Variants in ASIP observed in about 807,000 individuals in gnomAD.
ASIP encodes agouti signaling protein, also known as agouti-signaling protein.
Under a neutral mutation model 10.3 loss-of-function variants are expected in ASIP, and 11 were observed. The observed-to-expected ratio is 1.07, with a 90% CI of 0.68 to 1.78. The LOEUF (loss-of-function observed/expected upper bound fraction) is 1.78. Ranked by LOEUF, ASIP falls within the 40% of genes most tolerant of loss-of-function variation. The pLI is 0.00. For synonymous variants in ASIP, 70 were observed against 70.8 expected (o/e 0.99, Z 0.06); for missense variants, 180 against 169.2 (o/e 1.06, Z -0.35).
intron 1 of ASIP, among the ~76,000 whole-genome samples, chr20:34,251,475 C>T (rs2035476123): frequency 1.3e-5 from 2 of 151,906 alleles, no homozygotes; most frequent in South Asian, 2.1e-4. Context: ...GGGGTTTTAC[C>T]GTGTTAGCCA....
At chr20:34,263,300 C>T (rs1158002658) in intron 3 of ASIP, among the ~76,000 whole-genome samples, 1 of 152,202 alleles carries the variant, frequency 6.6e-6, no homozygotes, top group Non-Finnish European at 1.5e-5. Flanking sequence ...TGCGGTGGCT[C>T]ACGCCTATAA....
intron 1 of ASIP, among the ~76,000 whole-genome samples, chr20:34,259,354 A>G (rs1208913143): frequency 2.0e-5 from 3 of 151,938 alleles, no homozygotes; most frequent in Non-Finnish European, 4.4e-5. Flanking sequence ...CTTTACTAAA[A>G]ATACAAAAAT....
chr20:34,223,085 G>A (rs1323217850), intron 1 of ASIP, among the ~76,000 whole-genome samples: 12 of 151,976 alleles, frequency 7.9e-5, no homozygotes, highest in Admixed American at 3.3e-4. Context: ...CTGCCTGGCC[G>A]CCCATCATCT....
intron 1 of ASIP, among the ~76,000 whole-genome samples, chr20:34,227,571 C>T (rs930900834): frequency 6.8e-6 from 1 of 147,568 alleles, no homozygotes; most frequent in African/African-American, 2.6e-5. Context: ...GTGGAGGTTG[C>T]AGTGAGCCGA....
chr20:34,190,727 C>T (rs1372707236), upstream of ASIP, among the ~76,000 whole-genome samples: 2 of 152,202 alleles, frequency 1.3e-5, no homozygotes, highest in African/African-American at 2.4e-5. Flanking sequence ...ACATCCCATG[C>T]AGTCTTTTCT....
In ASIP at chr20:34,234,241, T is replaced by C. The variant is rs188341950; in HGVS notation, c.-10-26124T>C. On this transcript the variant is annotated intron_variant, in intron 1 of 3. Transcript: ENST00000568305. ...GGTGGCTACAATTTGTTTCCAGGGC[T>C]CATGACCCAAAGTGAAGTGCCTTTA... Among the ~76,000 whole-genome samples the C allele has an allele frequency of 2.2e-3, 328 of 152,304 alleles. 3 individuals are homozygous for C. The highest frequency in any genetic ancestry group is 7.7e-3 in the African/African-American group (320 of 41,574).
At chr20:34,207,165 G>GTTA (rs772938345) in intron 1 of ASIP, among the ~76,000 whole-genome samples, 6 of 152,042 alleles carry the variant, frequency 3.9e-5, no homozygotes, top group Non-Finnish European at 5.9e-5. Flanking sequence ...ACCAGCATTT[G>GTTA]TTATTTTTTT....
At chr20:34,253,575 G>A (rs1047291433) in intron 1 of ASIP, among the ~76,000 whole-genome samples, 1 of 151,726 alleles carries the variant, frequency 6.6e-6, no homozygotes, top group Non-Finnish European at 1.5e-5. Context: ...CGGTTCAAGC[G>A]ATTCTTCTGC....
chr20:34,231,892 T>C (rs2035124203), intron 1 of ASIP, among the ~76,000 whole-genome samples: 1 of 152,232 alleles, frequency 6.6e-6, no homozygotes, highest in Non-Finnish European at 1.5e-5. Context: ...CTCATATATG[T>C]CAGGGGTAGG....
chr20:34,249,084 G>A (rs1415888149), intron 1 of ASIP, among the ~76,000 whole-genome samples: 1 of 150,454 alleles, frequency 6.6e-6, no homozygotes, highest in Non-Finnish European at 1.5e-5. Context: ...AGCTGAGATG[G>A]CACCACTGCA....
chr20:34,234,227 T>C (rs759461924), intron 1 of ASIP, among the ~76,000 whole-genome samples: 1 of 152,188 alleles, frequency 6.6e-6, no homozygotes, highest in Non-Finnish European at 1.5e-5. Context: ...GTGGCTACAA[T>C]TTGTTTCCAG....
chr20:34,249,685 C>T (rs1463670024), intron 1 of ASIP, among the ~76,000 whole-genome samples: 3 of 152,152 alleles, frequency 2.0e-5, no homozygotes, highest in Non-Finnish European at 4.4e-5. Context: ...TCAACTCTAA[C>T]ACTTCCCCCT....
chr20:34,238,769 C>T (rs1200823941), upstream of ASIP, among the ~76,000 whole-genome samples: 1 of 152,014 alleles, frequency 6.6e-6, no homozygotes, highest in Non-Finnish European at 1.5e-5. Flanking sequence ...AATGTGGTAA[C>T]TCTAGAAACC....
chr20:34,221,163 G>C (rs2035044722), intron 1 of ASIP, among the ~76,000 whole-genome samples: 1 of 151,786 alleles, frequency 6.6e-6, no homozygotes, highest in Admixed American at 6.6e-5. Flanking sequence ...TGGATCACGA[G>C]GTCAGGAGAT....
At chr20:34,242,380 A>G (rs1413600698) in intron 1 of ASIP, among the ~76,000 whole-genome samples, 2 of 152,040 alleles carry the variant, frequency 1.3e-5, no homozygotes, top group African/African-American at 2.4e-5. Context: ...CAACAGGCAC[A>G]CACCACCACG....
intron 1 of ASIP, chr20:34,215,458 A>T: frequency 1.3e-6 from 2 of 1,529,714 alleles, no homozygotes; most frequent in Non-Finnish European, 1.8e-6. Flanking sequence ...AGCCATGAGG[A>T]TTCGCAGGTA....
At chr20:34,221,206 A>G (rs911293993) in intron 1 of ASIP, among the ~76,000 whole-genome samples, 15 of 151,770 alleles carry the variant, frequency 9.9e-5, no homozygotes, top group Middle Eastern at 6.8e-3. Context: ...GTGAAACCCC[A>G]TCTCTACTAA....
chr20:34,215,241 G>A lies in ASIP; in HGVS notation c.-11+20481G>A, dbSNP rs113840354. ...ACCTATCATTGGCTAAAAGGGATAA[G>A]TCAATCCAAGAGACATAAGCCCCAA... On this transcript the variant is annotated intron_variant, in intron 1 of 3. Transcript: ENST00000568305. 1.5e-5 allele frequency: 23 copies of A among 1,568,028 alleles called. 1 individual carries two copies. Among genetic ancestry groups the A allele is most frequent in the Middle Eastern group, 3.6e-4 (2 of 5,592 alleles).
At chr20:34,210,633 GC>G (rs2034968486) in intron 1 of ASIP, among the ~76,000 whole-genome samples, 1 of 152,200 alleles carries the variant, frequency 6.6e-6, no homozygotes, top group South Asian at 2.1e-4. Context: ...AGACCAGCGG[GC>G]CTGAGCAAAA....
Sources: gnomAD v4.1 joint callset for allele counts (sites outside exome capture counted in the v4.1 genomes callset) on GRCh38, gnomAD v4.1.1 for gene constraint, MANE v1.5 for transcripts, NCBI Gene and HGNC (gene_info 2026-07-23, HGNC 2026-07-21) for gene names.